The following TXLNB variants were observed in gnomAD, a reference collection of about 807,000 sequenced individuals.
TXLNB encodes taxilin beta, also known as beta-taxilin.
Under a neutral mutation model 57.4 loss-of-function variants are expected in TXLNB, and 37 were observed. The observed-to-expected ratio is 0.64, with a 90% CI of 0.50 to 0.85. TXLNB has a LOEUF of 0.85. Ranked by LOEUF, TXLNB falls within the 40% of genes least tolerant of loss-of-function variation. The pLI is 0.00. For synonymous variants in TXLNB, 302 were observed against 309.6 expected, an observed-to-expected ratio of 0.98 and a Z score of 0.26; for missense variants, 848 against 825.6, an observed-to-expected ratio of 1.03 and a Z score of -0.33.
chr6:139,309,489 C>T, the TXLNB span, among the ~76,000 whole-genome samples: 14 of 152,120 alleles, frequency 9.2e-5, no homozygotes, highest in Admixed American at 9.2e-4. Flanking sequence ...CATGATAGGC[C>T]TATTTGTTCT....
At chr6:139,279,901 C>A (rs780725129) in intron 2 of TXLNB, among the ~76,000 whole-genome samples, 4 of 152,178 alleles carry the variant, frequency 2.6e-5, no homozygotes, top group Admixed American at 2.6e-4. Flanking sequence ...ACCTGTGTAG[C>A]AGACACAGCG....
chr6:139,320,653 T>TA, the TXLNB span, among the ~76,000 whole-genome samples: 121 of 150,964 alleles, frequency 8.0e-4, no homozygotes, highest in South Asian at 6.1e-3. Context: ...TTTTTTTTTT[T>TA]ACCAACCTAG....
chr6:139,169,454 C>A, the TXLNB span: 1 of 152,050 alleles, frequency 6.6e-6, no homozygotes, highest in Non-Finnish European at 1.5e-5. Context: ...TATGTAATTT[C>A]TTGTGCTACC....
intron 9 of TXLNB, 142 bp from the exon 10 acceptor site, chr6:139,243,456 G>T: frequency 1.3e-6 from 1 of 791,744 alleles, no homozygotes; most frequent in East Asian, 2.7e-5. Flanking sequence ...TACAGAGTAG[G>T]GGCTGAACAG....
At chr6:139,233,757 A>G in the TXLNB span, among the ~76,000 whole-genome samples, 1 of 152,224 alleles carries the variant, frequency 6.6e-6, no homozygotes, top group Non-Finnish European at 1.5e-5. Flanking sequence ...TCTTTATAGC[A>G]GTGTGAGAAT....
At chr6:139,188,448 C>T in the TXLNB span, among the ~76,000 whole-genome samples, 4 of 152,132 alleles carry the variant, frequency 2.6e-5, no homozygotes, top group Admixed American at 2.6e-4. Context: ...AAAAATGATC[C>T]ATTTGTTTCT....
At chr6:139,274,389 G>T (rs148738062) in intron 3 of TXLNB, among the ~76,000 whole-genome samples, 3 of 152,214 alleles carry the variant, frequency 2.0e-5, no homozygotes, top group Non-Finnish European at 4.4e-5. Context: ...TAGTCTCCAC[G>T]TAAAAAATTG....
At chr6:139,298,802 G>A in the TXLNB span, among the ~76,000 whole-genome samples, 3 of 152,188 alleles carry the variant, frequency 2.0e-5, no homozygotes, top group Non-Finnish European at 4.4e-5. Flanking sequence ...GGAGGCTTTT[G>A]GGTCATGGAG....
the TXLNB span, chr6:139,166,019 G>T: frequency 1.7e-5 from 6 of 353,836 alleles, no homozygotes; most frequent in Non-Finnish European, 3.0e-5. Flanking sequence ...ATGTTCCAGC[G>T]GCTTTCTGGT....
At chr6:139,289,010 A>G (rs1583032578) in intron 1 of TXLNB, 97 bp from the exon 2 acceptor site, 2 of 860,140 alleles carry the variant, frequency 2.3e-6, no homozygotes, top group East Asian at 5.2e-5. Context: ...GTGAATACCA[A>G]CTAATTATAG....
the TXLNB span, chr6:139,174,377 G>A: frequency 6.2e-7 from 1 of 1,612,128 alleles, no homozygotes. Flanking sequence ...TGTGTCTTCT[G>A]TGCACAGGGA....
chr6:139,226,026 C>T, the TXLNB span, among the ~76,000 whole-genome samples: 1 of 151,972 alleles, frequency 6.6e-6, no homozygotes, highest in South Asian at 2.1e-4. Context: ...AGGTCAGGTG[C>T]GGTGACTCAC....
chr6:139,220,560 G>A, the TXLNB span, among the ~76,000 whole-genome samples: 17 of 152,262 alleles, frequency 1.1e-4, 1 homozygote, highest in African/African-American at 3.8e-4. Flanking sequence ...ATCCATATGT[G>A]TGTCATCATA....
At chr6:139,186,634 A>G in the TXLNB span, among the ~76,000 whole-genome samples, 16 of 152,222 alleles carry the variant, frequency 1.1e-4, no homozygotes, top group African/African-American at 3.9e-4. Flanking sequence ...TATTCAAGAA[A>G]TGAAAGTATA....
At chr6:139,167,185 C>T in the TXLNB span, 1 of 1,614,186 alleles carries the variant, frequency 6.2e-7, no homozygotes, top group South Asian at 1.1e-5. Flanking sequence ...TCAGTGCCAG[C>T]CACAGAAACG....
Position 139,241,390 on chromosome 6 carries a change from G to A in TXLNB, c.*1136C>T, listed in dbSNP as rs984514589. On this transcript the variant is annotated 3_prime_UTR_variant, in exon 10 of 10. Transcript: ENST00000358430. ...CTGCTACAAAGGAGAAATTGGGAAG[G>A]AAGGAGCAGAAGCTTTTAGAATATA... 6.6e-6 allele frequency: 1 copy of A among 152,254 alleles called. No individual in the cohort carries two copies. The highest frequency in any genetic ancestry group is 6.5e-5 in the Admixed American group (1 of 15,292). The allele number at this position is 152,254 out of a possible 1,614,324, so 9.4% of individuals were successfully genotyped here. A position where few individuals can be genotyped will look rare whatever the true frequency, so the allele number is the denominator to read the frequency against.
the TXLNB span, among the ~76,000 whole-genome samples, chr6:139,224,779 T>C: frequency 2.4e-4 from 36 of 152,178 alleles, no homozygotes; most frequent in South Asian, 5.4e-3. Context: ...AACCAAAGAA[T>C]TCTTCTAAAT....
At chr6:139,264,890 A>G (rs573304494) in intron 4 of TXLNB, among the ~76,000 whole-genome samples, 8 of 152,186 alleles carry the variant, frequency 5.3e-5, no homozygotes, top group Admixed American at 1.3e-4. Context: ...ACCAAAAGAA[A>G]TCTAGCAAAA....
downstream of TXLNB, among the ~76,000 whole-genome samples, chr6:139,236,093 A>G (rs980210955): frequency 6.6e-6 from 1 of 151,998 alleles, no homozygotes; most frequent in Non-Finnish European, 1.5e-5. Flanking sequence ...AACTACCTCC[A>G]CTCAGTAAAA....
Sources: gnomAD v4.1 joint callset for allele counts (sites outside exome capture counted in the v4.1 genomes callset) on GRCh38, gnomAD v4.1.1 for gene constraint, MANE v1.5 for transcripts, NCBI Gene and HGNC (gene_info 2026-07-23, HGNC 2026-07-21) for gene names.